FAM151A: variants seen among roughly 807,000 people sequenced by gnomAD.
The protein encoded by FAM151A is protein FAM151A.
A neutral mutation model predicts 40.4 loss-of-function variants in FAM151A; 41 were observed. The observed-to-expected ratio is 1.01, with a 90% CI of 0.79 to 1.32. FAM151A has a LOEUF of 1.32. Among genes scored for constraint, FAM151A ranks in the 40% most tolerant of loss-of-function variants. FAM151A has a pLI of 0.00. For synonymous variants in FAM151A, 337 were observed against 312.5 expected (o/e 1.08, Z -0.83); for missense variants, 740 against 740.4 (o/e 1.00, Z 0.01).
At chr1:54,611,119 G>A (rs1296438578) in intron 6 of FAM151A, 6 of 722,136 alleles carry the variant, frequency 8.3e-6, no homozygotes, top group Admixed American at 1.3e-4. Flanking sequence ...CTATAAAATG[G>A]AATCCCTCAG....
At chr1:54,616,415 G>A (rs1644174741) in intron 2 of FAM151A, among the ~76,000 whole-genome samples, 2 of 151,812 alleles carry the variant, frequency 1.3e-5, no homozygotes, top group South Asian at 4.1e-4. Context: ...CCAGGCTGGA[G>A]TGCAGTGGTG....
At chr1:54,620,504 G>A (rs374932902) in intron 1 of FAM151A, among the ~76,000 whole-genome samples, 3 of 151,336 alleles carry the variant, frequency 2.0e-5, no homozygotes, top group African/African-American at 7.3e-5. Flanking sequence ...TTAGGAGTTC[G>A]AGACCAGCCT....
rs1557667606 is a variant in FAM151A at position 54,609,298 on chromosome 1, CT to C, written c.1727del (p.Lys576ArgfsTer?). On this transcript the variant is annotated frameshift_variant, in exon 8 of 8. Transcript: ENST00000302250. LOFTEE classifies it high-confidence loss of function. Reference sequence around the variant, plus strand: ...TTCTACCAACATGAGCCAGCAAGTCCTTGTGGTAGCCCTGGGGTAGCCTGTA... The same window carrying C: ...TTCTACCAACATGAGCCAGCAAGTCCTGTGGTAGCCCTGGGGTAGCCTGTA... ...VYYRLPQGYH[K>X]DLLAHVGRN 6.2e-7 allele frequency: 1 copy of C among 1,609,536 alleles called. No individual in the cohort carries two copies. Among genetic ancestry groups the C allele is most frequent in the African/African-American group, 1.3e-5 (1 of 75,002 alleles).
At chr1:54,614,601 A>C (rs890089315) in intron 4 of FAM151A, 99 bp downstream of exon 4, 4 of 1,251,342 alleles carry the variant, frequency 3.2e-6, no homozygotes, top group Non-Finnish European at 4.4e-6. Flanking sequence ...ATATAGTATG[A>C]TTGGAGACAA....
chr1:54,612,659 G>C lies in FAM151A; in HGVS notation c.627C>G (p.Gly209=). The change falls in exon 5 of 8, where the codon GGC becomes GGG. Residue 209 remains glycine (G), a synonymous_variant. Coordinates refer to ENST00000302250, the MANE Select transcript of FAM151A (RefSeq NM_176782.3). ...EKYPKATLSP[G]WTTFYMSTSP... ...ACGTGGACATGTAGAAGGTGGTCCA[G>C]CCTGGAGATAGGGTAGCCTTGGGAT... The C allele has an allele frequency of 6.2e-7, 1 of 1,614,090 alleles. No individual in the cohort carries two copies. The highest frequency in any genetic ancestry group is 1.7e-5 in the Admixed American group (1 of 60,024).
At chr1:54,622,867 G>A (rs182502719) in intron 1 of FAM151A, among the ~76,000 whole-genome samples, 4 of 152,106 alleles carry the variant, frequency 2.6e-5, no homozygotes, top group Middle Eastern at 3.4e-3. Flanking sequence ...GGCTTGGTGG[G>A]GACGAGGGCT....
At chr1:54,622,946 A>G (rs952786136) in intron 1 of FAM151A, among the ~76,000 whole-genome samples, 1 of 151,974 alleles carries the variant, frequency 6.6e-6, no homozygotes. Context: ...AGGCTGAGGC[A>G]GGTGGATCAC....
intron 6 of FAM151A, chr1:54,611,014 T>A (rs944173584): frequency 1.0e-6 from 1 of 985,204 alleles, no homozygotes; most frequent in South Asian, 4.7e-5. Context: ...AGGGAAATAA[T>A]GGGGGGTTTG....
Position 54,609,428 on chromosome 1 carries a change from G to A in FAM151A, c.1598C>T (p.Pro533Leu). The change falls in exon 8 of 8, where the codon CCC becomes CTC. Residue 533 changes from proline to leucine, a missense_variant. Physicochemically the swap from Pro to Leu is moderately conservative, Grantham distance 98 (BLOSUM62 -3). Coordinates refer to ENST00000302250, the MANE Select transcript of FAM151A (RefSeq NM_176782.3). ...GAIGRLLASS[P>L]RATVTVEHNP... Reference sequence around the variant, plus strand: ...GTGCTCCACTGTGACGGTGGCCCGGGGGGAGGATGCCAGCAGCCTGCCTAT... The same window carrying A: ...GTGCTCCACTGTGACGGTGGCCCGGAGGGAGGATGCCAGCAGCCTGCCTAT... The A allele has an allele frequency of 6.2e-7, 1 of 1,613,892 alleles. No individual in the cohort carries two copies. Among genetic ancestry groups the A allele is most frequent in the South Asian group, 1.1e-5 (1 of 91,092 alleles).
At chr1:54,619,032 GGTCATTCT>G (rs1232830741) in intron 2 of FAM151A, among the ~76,000 whole-genome samples, 4 of 152,060 alleles carry the variant, frequency 2.6e-5, no homozygotes, top group Non-Finnish European at 4.4e-5. Flanking sequence ...TGGTTGATTT[GGTCATTCT>G]ACCAGCCCTC....
chr1:54,622,789 T>G (rs1644242774), intron 1 of FAM151A, among the ~76,000 whole-genome samples: 1 of 151,722 alleles, frequency 6.6e-6, no homozygotes, highest in Admixed American at 6.6e-5. Flanking sequence ...AACGGGACTT[T>G]CTGCTGGGGA....
In FAM151A at chr1:54,614,755, C is replaced by G. The variant is rs746798391; in HGVS notation, c.520G>C (p.Ala174Pro). Residue 174 changes from alanine to proline, a missense_variant, in exon 4 of 8, where the codon GCT becomes CCT. Coordinates refer to ENST00000302250, the MANE Select transcript of FAM151A (RefSeq NM_176782.3). ...GKVRRPIWIN[A>P]DILKGPNMLI... ...ATGTTGGGGCCCTTTAAGATGTCAG[C>G]GTTGATCCATATGGGCCGCCGGACT... 3.1e-6 allele frequency: 5 copies of G among 1,613,950 alleles called. No individual in the cohort carries two copies. In the East Asian group the frequency reaches 8.9e-5, roughly 29 times the overall value.
Position 54,623,409 on chromosome 1 carries a change from G to T in FAM151A, c.-14C>A. On this transcript the variant is annotated 5_prime_UTR_variant, in exon 1 of 8. Transcript: ENST00000302250. Reference sequence around the variant, plus strand: ...CCTGCAGACCATGGCGACGCTCTCTGGGGAATGCCCCCAACTCCGTGCGGC... The same window carrying T: ...CCTGCAGACCATGGCGACGCTCTCTTGGGAATGCCCCCAACTCCGTGCGGC... 1 of 1,603,358 alleles carries T rather than the reference G, an allele frequency of 6.2e-7. No homozygotes were observed. The highest frequency in any genetic ancestry group is 8.5e-7 in the Non-Finnish European group (1 of 1,170,630).
At position 54,610,023 on chromosome 1, in the gene FAM151A, G is replaced by A; in HGVS notation, c.1085-82C>T. On this transcript the variant is annotated intron_variant, in intron 7 of 7. Coordinates refer to ENST00000302250, the MANE Select transcript of FAM151A (RefSeq NM_176782.3). ...AGAGTCCCTTGTTAAAGGGGCAGTG[G>A]GAGTTATGGGGTCATCAAGGACCTT... The A allele has an allele frequency of 2.0e-6, 3 of 1,484,502 alleles. No homozygotes were observed. The Admixed American group carries it at 6.8e-5, about 34-fold the overall frequency. 92.0% of individuals were successfully genotyped at this position (1,484,502 alleles called of 1,614,324 possible).
chr1:54,612,544 A>G lies in FAM151A; in HGVS notation c.742T>C (p.Ser248Pro), dbSNP rs1381923334. 6.2e-7 allele frequency: 1 copy of G among 1,613,994 alleles called. No homozygotes were observed. Among genetic ancestry groups the G allele is most frequent in the East Asian group, 2.2e-5 (1 of 44,826 alleles). Residue 248 changes from serine to proline, a missense_variant, in exon 5 of 8, where the codon TCT (serine) becomes CCT (proline). Physicochemically the swap from Ser to Pro is moderately conservative, Grantham distance 74. Transcript: ENST00000302250. ...GGCCAGGCAGCCCGCACCATGGAAG[A>G]CCGTACAGGGAAGGTGACCCTCTGG... ...VPQRVTFPVR[S>P]SMVRAAWPHF...
At chr1:54,610,652 C>A in intron 6 of FAM151A, 97 bp from the exon 7 acceptor site, 2 of 1,502,238 alleles carry the variant, frequency 1.3e-6, no homozygotes, top group East Asian at 2.3e-5. Flanking sequence ...TACGGGCATC[C>A]TCTCTAAGCC....
chr1:54,614,951 T>TGTGTGC (rs1644156977), intron 3 of FAM151A, 92 bp from the exon 4 acceptor site: 5 of 1,281,152 alleles, frequency 3.9e-6, no homozygotes, highest in Non-Finnish European at 4.4e-6. Context: ...TGTGTGTGTG[T>TGTGTGC]GTGCATGTGC....
intron 4 of FAM151A, 104 bp downstream of exon 4, chr1:54,614,596 G>T: frequency 8.4e-7 from 1 of 1,189,628 alleles, no homozygotes; most frequent in Non-Finnish European, 1.2e-6. Context: ...GCTATATATA[G>T]TATGATTGGA....
intron 5 of FAM151A, among the ~76,000 whole-genome samples, chr1:54,611,983 A>C (rs1293644707): frequency 1.3e-5 from 2 of 151,658 alleles, no homozygotes; most frequent in South Asian, 2.1e-4. Context: ...CTGCCTCCTC[A>C]CTTGCAGTGT....
Sources: gnomAD v4.1 joint callset for allele counts (sites outside exome capture counted in the v4.1 genomes callset) on GRCh38, gnomAD v4.1.1 for gene constraint, MANE v1.5 for transcripts, NCBI Gene and HGNC (gene_info 2026-07-23, HGNC 2026-07-21) for gene names.